Variants in KIF12 observed in about 807,000 individuals in gnomAD.
KIF12 encodes the protein kinesin-like protein KIF12.
In KIF12, 80 loss-of-function variants were observed where a neutral mutation model predicts 87.9. That is an observed-to-expected ratio of 0.91 (90% CI 0.76 to 1.10). The LOEUF is 1.10. KIF12 is among the 50% of genes least tolerant of loss of function. KIF12 has a pLI of 0.00. For missense variants in KIF12, 819 were observed against 865.3 expected (o/e 0.95, Z 0.67); for synonymous variants, 353 against 348.5 (o/e 1.01, Z -0.14).
intron 3 of KIF12, 47 bp from the exon 4 acceptor site, chr9:114,098,476 G>T: frequency 7.0e-7 from 1 of 1,424,030 alleles, no homozygotes; most frequent in Non-Finnish European, 9.2e-7. Context: ...AGGAGGGCGG[G>T]GCACCCTGGA....
chr9:114,096,279 G>T, intron 8 of KIF12, 72 bp from the exon 9 acceptor site: 2 of 1,605,550 alleles, frequency 1.2e-6, no homozygotes, highest in Non-Finnish European at 1.7e-6. Context: ...ATGGGACCAA[G>T]AGTTTCCATT....
intron 9 of KIF12, 142 bp downstream of exon 9, chr9:114,095,909 A>G (rs1847205610): frequency 3.4e-6 from 3 of 888,776 alleles, no homozygotes; most frequent in Non-Finnish European, 5.2e-6. Flanking sequence ...CTGGGGCCAG[A>G]ATGGGGCCTT....
chr9:114,091,741 G>A lies in KIF12; in HGVS notation c.*120C>T, dbSNP rs1207214002. The A allele has an allele frequency of 8.2e-6, 9 of 1,092,328 alleles. No homozygotes were observed. The highest frequency in any genetic ancestry group is 1.1e-5 in the Non-Finnish European group (9 of 784,310). 67.7% of individuals were successfully genotyped at this position (1,092,328 alleles called of 1,614,324 possible). A position where few individuals can be genotyped will look rare whatever the true frequency, so the allele number is the denominator to read the frequency against. On this transcript the variant is annotated 3_prime_UTR_variant, in exon 19 of 19. Transcript: ENST00000640217. ...ATAGCACCCCCAGTCCCCGCCCCTA[G>A]CCCAGCTGCAGGTGGAGTAGCAGCT...
At chr9:114,096,523 G>T in intron 7 of KIF12, 45 bp from the exon 8 acceptor site, 1 of 1,474,660 alleles carries the variant, frequency 6.8e-7, no homozygotes, top group East Asian at 2.3e-5. Flanking sequence ...AGGAAGAACA[G>T]GTCATCATCA....
At chr9:114,096,558 C>T in intron 7 of KIF12, 80 bp from the exon 8 acceptor site, 1 of 1,237,060 alleles carries the variant, frequency 8.1e-7, no homozygotes, top group Non-Finnish European at 1.2e-6. Context: ...GCAAAGGAAT[C>T]CTGGCGGAAG....
In KIF12 at chr9:114,099,101, C is replaced by T. The variant is rs1337377873; in HGVS notation, c.92+3G>A. 1 of 1,550,430 alleles carries T rather than the reference C, an allele frequency of 6.4e-7. No individual in the cohort carries two copies. Among genetic ancestry groups the T allele is most frequent in the East Asian group, 2.4e-5 (1 of 40,906 alleles). On this transcript the variant is annotated splice_donor_region_variant and intron_variant, in intron 2 of 18. Transcript: ENST00000640217. ...AGGTGCCTCCTAGCCAATTTATACC[C>T]ACCTGAGCACCACCTGGATGGGCGT... is the stretch of plus-strand genomic sequence containing the variant.
Position 114,092,509 on chromosome 9 carries a change from CT to C in KIF12, c.1697+32del, listed in dbSNP as rs768950466. 3.2e-5 allele frequency: 52 copies of C among 1,613,328 alleles called. No homozygotes were observed. In the South Asian group the frequency reaches 5.7e-4, roughly 18 times the overall value. ...AGCCTTTGAGTTCCCCAGACCACCC[CT>C]CTCTGACCTCAGTGCCCCAGGAGAG... On this transcript the variant is annotated intron_variant, in intron 17 of 18. Coordinates refer to ENST00000640217, the MANE Select transcript of KIF12 (RefSeq NM_001388308.1).
chr9:114,092,142 G>C, intron 18 of KIF12, 142 bp from the exon 19 acceptor site: 1 of 1,445,332 alleles, frequency 6.9e-7, no homozygotes, highest in Non-Finnish European at 9.1e-7. Flanking sequence ...ATACACCATG[G>C]GCTCCAACAT....
chr9:114,092,884 C>T (rs1485286451), intron 16 of KIF12: 1 of 1,430,938 alleles, frequency 7.0e-7, no homozygotes, highest in Non-Finnish European at 9.1e-7. Flanking sequence ...ATTTCTGACT[C>T]CTCAGAGCCC....
rs1292143068 is a variant in KIF12 at position 114,098,092 on chromosome 9, G to A, written c.375+23C>T. On this transcript the variant is annotated intron_variant, in intron 5 of 18. Coordinates refer to ENST00000640217, the MANE Select transcript of KIF12 (RefSeq NM_001388308.1). The stretch of plus-strand genomic sequence containing the variant: ...CAGCCCACCCAGCCCCGCCCCGCGG[G>A]GGCGCCGCCGGCGCTCGCTCACCTG... 2.6e-6 allele frequency: 4 copies of A among 1,542,388 alleles called. No homozygotes were observed. The South Asian group carries it at 4.8e-5, about 18-fold the overall frequency.
chr9:114,099,280 C>T lies in KIF12; in HGVS notation c.-4G>A, dbSNP rs990460092. The T allele has an allele frequency of 2.6e-5, 41 of 1,550,976 alleles. No homozygotes were observed. In the East Asian group the frequency reaches 1.0e-3, roughly 38 times the overall value. ...CGGGTGACCCGCGTTCTTCCATGTC[C>T]TGCTCTGCACACGGAGTTAGCTCCG... is the stretch of plus-strand genomic sequence containing the variant. On this transcript the variant is annotated 5_prime_UTR_variant, in exon 1 of 19. Transcript: ENST00000640217.
chr9:114,096,887 C>T (rs1281406499), intron 7 of KIF12, among the ~76,000 whole-genome samples: 1 of 152,100 alleles, frequency 6.6e-6, no homozygotes, highest in Non-Finnish European at 1.5e-5. Flanking sequence ...GCTGAAAGGG[C>T]CTTTAGGCTA....
intron 3 of KIF12, among the ~76,000 whole-genome samples, 195 bp from the exon 4 acceptor site, chr9:114,098,624 T>C (rs13284669): frequency 4.3e-5 from 1 of 23,050 alleles, no homozygotes; most frequent in Non-Finnish European, 7.9e-5. Flanking sequence ...GGGGGTGGGG[T>C]GGGGGACACT....
Position 114,094,191 on chromosome 9 carries a change from C to T in KIF12, c.1303G>A (p.Glu435Lys), listed in dbSNP as rs780710772. 8.7e-6 allele frequency: 14 copies of T among 1,613,698 alleles called. No homozygotes were observed. In the East Asian group the frequency reaches 2.2e-4, roughly 26 times the overall value. Reference sequence around the variant, plus strand: ...TGGGCTGTGCCCTACCTGAGCCTCTCATTCTCTAGCATGAACTCCTGTAGC... The same window carrying T: ...TGGGCTGTGCCCTACCTGAGCCTCTTATTCTCTAGCATGAACTCCTGTAGC... ...GMLQEFMLEN[E>K]RLRKEKSQLQ... The change falls in exon 13 of 19, where the codon GAG becomes AAG. Residue 435 changes from glutamate (E) to lysine (K), a missense_variant. Transcript: ENST00000640217.
At chr9:114,094,326 C>A in intron 12 of KIF12, 27 bp downstream of exon 12, 1 of 1,610,480 alleles carries the variant, frequency 6.2e-7, no homozygotes, top group Non-Finnish European at 8.5e-7. Context: ...CTATCCCCAT[C>A]CTACTCTGCC....
At chr9:114,098,218 T>A in intron 4 of KIF12, 28 bp from the exon 5 acceptor site, 3 of 1,532,242 alleles carry the variant, frequency 2.0e-6, no homozygotes, top group Non-Finnish European at 2.6e-6. Flanking sequence ...GTGGCTGGAC[T>A]CCGGCGGCTA....
In KIF12 at chr9:114,098,802, C is replaced by T. The variant is rs116438148; in HGVS notation, c.171+133G>A. On this transcript the variant is annotated intron_variant, in intron 3 of 18. Coordinates refer to ENST00000640217, the MANE Select transcript of KIF12 (RefSeq NM_001388308.1). The stretch of plus-strand genomic sequence containing the variant: ...CTGGGCATCCTGGAAGGGAGGGGCA[C>T]TCTGGGGAGGGCGGGGCACCTGGGA... 1,934 of 971,750 alleles carry T rather than the reference C, an allele frequency of 2.0e-3. 34 individuals are homozygous for T. The African/African-American group carries it at 0.036, about 18-fold the overall frequency. 60.2% of individuals were successfully genotyped at this position (971,750 alleles called of 1,614,324 possible). A position where few individuals can be genotyped will look rare whatever the true frequency, so the allele number is the denominator to read the frequency against.
chr9:114,096,628 G>GA (rs1847243594), intron 7 of KIF12, 150 bp from the exon 8 acceptor site: 2 of 681,642 alleles, frequency 2.9e-6, no homozygotes, highest in Non-Finnish European at 2.6e-6. Flanking sequence ...GGAACGATGG[G>GA]ATGTTGGGCC....
chr9:114,092,115 CCCCCCACCCCA>C, intron 18 of KIF12, 115 bp from the exon 19 acceptor site: 1 of 838,330 alleles, frequency 1.2e-6, no homozygotes, highest in Non-Finnish European at 1.8e-6. Flanking sequence ...CTCCACCCTT[CCCCCCACCCCA>C]CCCCCATACA....
Sources: gnomAD v4.1 joint callset for allele counts (sites outside exome capture counted in the v4.1 genomes callset) on GRCh38, gnomAD v4.1.1 for gene constraint, MANE v1.5 for transcripts, NCBI Gene and HGNC (gene_info 2026-07-23, HGNC 2026-07-21) for gene names.